MEGF10: variants seen among roughly 807,000 people sequenced by gnomAD.
MEGF10 encodes multiple epidermal growth factor-like domains protein 10.
In MEGF10, 86 loss-of-function variants were observed where a neutral mutation model predicts 147.5. The ratio of observed to expected loss-of-function variants is 0.58; its 90% confidence interval spans 0.49 to 0.70. MEGF10 has a LOEUF of 0.70. Among genes scored for constraint, MEGF10 ranks in the 30% least tolerant of loss-of-function variants. MEGF10 has a pLI of 0.00. For missense variants in MEGF10, 1,329 were observed against 1,487.3 expected, an observed-to-expected ratio of 0.89 and a Z score of 1.75; for synonymous variants, 478 against 525.5, an observed-to-expected ratio of 0.91 and a Z score of 1.24.
At chr5:127,386,249 T>G (rs1327623908) in intron 5 of MEGF10, among the ~76,000 whole-genome samples, 2 of 152,242 alleles carry the variant, frequency 1.3e-5, no homozygotes, top group Admixed American at 1.3e-4. Context: ...ATAAGCATCT[T>G]ACAGTTCAAA....
chr5:127,408,283 G>A lies in MEGF10; in HGVS notation c.918-2106G>A, dbSNP rs986131034. ...AAGATAGTTTAAAACTTAACATTTGGGTTTGTTTTCAAATCCTTTTAGGAG... is the reference window on the plus strand; with the variant it reads ...AAGATAGTTTAAAACTTAACATTTGAGTTTGTTTTCAAATCCTTTTAGGAG... On this transcript the variant is annotated intron_variant, in intron 8 of 24. Coordinates refer to ENST00000503335, the MANE Select transcript of MEGF10 (RefSeq NM_001256545.2). Among the ~76,000 whole-genome samples the A allele has an allele frequency of 4.6e-5, 7 of 152,012 alleles. No homozygotes were observed. In the South Asian group the frequency reaches 1.5e-3, roughly 32 times the overall value.
chr5:127,450,261 G>A (rs1293074889), intron 22 of MEGF10, among the ~76,000 whole-genome samples: 1 of 152,192 alleles, frequency 6.6e-6, no homozygotes. Flanking sequence ...CAGGCCTATA[G>A]CCCCAGCTAC....
the MEGF10 span, among the ~76,000 whole-genome samples, chr5:127,268,267 A>G: frequency 6.6e-6 from 1 of 152,176 alleles, no homozygotes; most frequent in Non-Finnish European, 1.5e-5. Flanking sequence ...GTTTGATTGC[A>G]CTGTGGTCTG....
In MEGF10 at chr5:127,449,171, A is replaced by G. The variant is rs1373321039; in HGVS notation, c.2929A>G (p.Thr977Ala). Residue 977 changes from threonine to alanine, a missense_variant, in exon 22 of 25, where the codon ACT becomes GCT. This residue lies in a region of MEGF10 where 343 missense variants were observed against 377.9 expected (regional missense o/e 0.91). Coordinates refer to ENST00000503335, the MANE Select transcript of MEGF10 (RefSeq NM_001256545.2). Reference protein sequence around the residue: ...PGKRGPVGDCTGTLPADWKHG... With the variant: ...PGKRGPVGDCAGTLPADWKHG... ...GAAGAGAGGCCCTGTGGGGGACTGC[A>G]CTGGGACATTGCCGGCTGACTGGAA... 1.2e-6 allele frequency: 2 copies of G among 1,614,142 alleles called. No individual in the cohort carries two copies. Among genetic ancestry groups the G allele is most frequent in the Admixed American group, 3.3e-5 (2 of 60,020 alleles).
At chr5:127,427,699 G>A (rs955339644) in intron 13 of MEGF10, among the ~76,000 whole-genome samples, 7 of 152,120 alleles carry the variant, frequency 4.6e-5, no homozygotes, top group African/African-American at 1.7e-4. Context: ...CTACTTCAGG[G>A]ACTAATCTGT....
intron 5 of MEGF10, among the ~76,000 whole-genome samples, chr5:127,391,651 C>CATTATT (rs748990114): frequency 3.3e-5 from 5 of 150,616 alleles, no homozygotes; most frequent in South Asian, 2.1e-4. Context: ...TCAGTCTCAA[C>CATTATT]ATTATTATTA....
chr5:127,342,289 G>A (rs1020214061), intron 4 of MEGF10, among the ~76,000 whole-genome samples: 1 of 152,136 alleles, frequency 6.6e-6, no homozygotes, highest in Non-Finnish European at 1.5e-5. Context: ...GGCCTTCAGT[G>A]ACATTATCTT....
chr5:127,441,163 T>G (rs1391396235), intron 18 of MEGF10, among the ~76,000 whole-genome samples: 2 of 152,236 alleles, frequency 1.3e-5, no homozygotes, highest in Non-Finnish European at 2.9e-5. Context: ...TTTTGGAATG[T>G]GGCTGCTCAG....
At chr5:127,373,184 G>T (rs1008098057) in intron 5 of MEGF10, among the ~76,000 whole-genome samples, 1 of 151,918 alleles carries the variant, frequency 6.6e-6, no homozygotes, top group East Asian at 1.9e-4. Context: ...CTAGAGTCTC[G>T]CTCTGTCACC....
In MEGF10 at chr5:127,453,658, T is replaced by C. The variant is rs142211986; in HGVS notation, c.2981-908T>C. 3.5e-3 allele frequency among the ~76,000 whole-genome samples: 533 copies of C among 152,316 alleles called. 5 individuals carry two copies. The highest frequency in any genetic ancestry group is 0.012 in the African/African-American group (505 of 41,566). ...AGTTATAACATGTAATTCCTTTGTC[T>C]CCTAATCTATAGTTTTCTCCTTTTT... On this transcript the variant is annotated intron_variant, in intron 22 of 24. Transcript: ENST00000503335.
the MEGF10 span, among the ~76,000 whole-genome samples, chr5:127,281,418 G>C: frequency 6.6e-6 from 1 of 152,290 alleles, no homozygotes; most frequent in African/African-American, 2.4e-5. Context: ...GTCTCAGGAA[G>C]CGTCTGTGGC....
intron 5 of MEGF10, among the ~76,000 whole-genome samples, chr5:127,377,776 T>C (rs1186148575): frequency 6.6e-6 from 1 of 152,240 alleles, no homozygotes; most frequent in African/African-American, 2.4e-5. Context: ...GGATCGATGC[T>C]GTCTGCGGAG....
At chr5:127,328,712 C>T (rs1224608401) in intron 1 of MEGF10, among the ~76,000 whole-genome samples, 1 of 152,176 alleles carries the variant, frequency 6.6e-6, no homozygotes, top group African/African-American at 2.4e-5. Flanking sequence ...TGAGATGACT[C>T]AGGAAATAAA....
At chr5:127,442,939 A>G in intron 18 of MEGF10, 59 bp from the exon 19 acceptor site, 1 of 1,564,220 alleles carries the variant, frequency 6.4e-7, no homozygotes, top group African/African-American at 1.4e-5. Flanking sequence ...TTGCAGTCAG[A>G]GACAGCCTTG....
At chr5:127,373,492 G>A (rs1219896371) in intron 5 of MEGF10, among the ~76,000 whole-genome samples, 9 of 152,138 alleles carry the variant, frequency 5.9e-5, no homozygotes, top group Non-Finnish European at 1.2e-4. Context: ...TTGATTTTGA[G>A]TGCTTTCTTA....
At chr5:127,345,237 T>G (rs1761839550) in intron 4 of MEGF10, among the ~76,000 whole-genome samples, 1 of 152,202 alleles carries the variant, frequency 6.6e-6, no homozygotes, top group South Asian at 2.1e-4. Flanking sequence ...ATGAAGAGAC[T>G]GGCTCTGCTT....
At chr5:127,328,370 T>TAC (rs760123290) in intron 1 of MEGF10, among the ~76,000 whole-genome samples, 23 of 152,156 alleles carry the variant, frequency 1.5e-4, no homozygotes, top group Admixed American at 2.6e-4. Flanking sequence ...TCCACACATA[T>TAC]ACACACACAC....
At chr5:127,254,259 C>T in the MEGF10 span, among the ~76,000 whole-genome samples, 1 of 152,160 alleles carries the variant, frequency 6.6e-6, no homozygotes, top group Non-Finnish European at 1.5e-5. Flanking sequence ...TCCCCCAACT[C>T]AAATACACCC....
chr5:127,417,911 G>A, intron 10 of MEGF10, 99 bp downstream of exon 10: 2 of 1,240,632 alleles, frequency 1.6e-6, no homozygotes, highest in Non-Finnish European at 2.2e-6. Flanking sequence ...CAGTGAATGT[G>A]CTAAAGTCAT....
Sources: gnomAD v4.1 joint callset for allele counts (sites outside exome capture counted in the v4.1 genomes callset) on GRCh38, gnomAD v4.1.1 for gene constraint, gnomAD v4.1.1 regional missense constraint, MANE v1.5 for transcripts, NCBI Gene and HGNC (gene_info 2026-07-23, HGNC 2026-07-21) for gene names.